Variants in ARHGAP24 observed in about 807,000 individuals in gnomAD.
ARHGAP24 encodes the protein rho GTPase-activating protein 24.
ARHGAP24 carries 50 observed loss-of-function variants against 76.4 expected under a neutral mutation model. The observed-to-expected ratio is 0.65, with a 90% CI of 0.52 to 0.83. The LOEUF (loss-of-function observed/expected upper bound fraction) is 0.83, where lower values mean the gene tolerates loss of function less well. Among genes scored for constraint, ARHGAP24 ranks in the 40% least tolerant of loss-of-function variants. The probability of loss-of-function intolerance (pLI) is 0.00; values close to 1 mark genes in which losing one functional copy is unlikely to be tolerated. For synonymous variants in ARHGAP24, 345 were observed against 323.3 expected (o/e 1.07, Z -0.72); for missense variants, 930 against 914.2 (o/e 1.02, Z -0.22).
intron 2 of ARHGAP24, among the ~76,000 whole-genome samples, chr4:85,614,634 A>T (rs1276740940): frequency 6.6e-6 from 1 of 152,130 alleles, no homozygotes; most frequent in East Asian, 1.9e-4. Flanking sequence ...CCTATCATTG[A>T]TTAGGCTGGA....
At chr4:85,965,733 T>G (rs1032253141) in intron 5 of ARHGAP24, among the ~76,000 whole-genome samples, 4 of 152,172 alleles carry the variant, frequency 2.6e-5, no homozygotes, top group Non-Finnish European at 5.9e-5. Flanking sequence ...TAGTCAGCAA[T>G]TATTAGAAAA....
chr4:85,746,992 T>C (rs1460104321), intron 3 of ARHGAP24, among the ~76,000 whole-genome samples: 1 of 152,146 alleles, frequency 6.6e-6, no homozygotes, highest in African/African-American at 2.4e-5. Flanking sequence ...AATACAGGAC[T>C]TCAGGGATCT....
At chr4:85,720,443 G>T (rs1394461591) in intron 2 of ARHGAP24, among the ~76,000 whole-genome samples, 1 of 152,086 alleles carries the variant, frequency 6.6e-6, no homozygotes, top group Non-Finnish European at 1.5e-5. Flanking sequence ...ATAGAAGAGG[G>T]TGACAGTCAC....
At chr4:85,735,281 CTT>C (rs1725565333) in intron 3 of ARHGAP24, among the ~76,000 whole-genome samples, 1 of 152,150 alleles carries the variant, frequency 6.6e-6, no homozygotes, top group Admixed American at 6.5e-5. Context: ...ATAATAATCT[CTT>C]AACCACACTT....
intron 5 of ARHGAP24, among the ~76,000 whole-genome samples, chr4:85,957,098 G>A (rs968742610): frequency 5.9e-5 from 9 of 152,276 alleles, no homozygotes; most frequent in East Asian, 3.9e-4. Context: ...TAAGTTGCAA[G>A]CCGCTTGTTT....
intron 3 of ARHGAP24, among the ~76,000 whole-genome samples, chr4:85,791,337 C>A (rs189725619): frequency 3.3e-5 from 5 of 152,198 alleles, no homozygotes; most frequent in Admixed American, 6.5e-5. Flanking sequence ...GCATATTTAA[C>A]GGCAAAGATA....
intron 5 of ARHGAP24, among the ~76,000 whole-genome samples, chr4:85,964,068 T>A (rs11947316): frequency 0.045 from 6,910 of 152,198 alleles, 536 homozygotes; most frequent in African/African-American, 0.16. Context: ...TTAAGCATTG[T>A]CAGTAAGACT....
chr4:85,924,161 T>C (rs1252977999), intron 4 of ARHGAP24, among the ~76,000 whole-genome samples: 1 of 152,142 alleles, frequency 6.6e-6, no homozygotes, highest in Admixed American at 6.5e-5. Flanking sequence ...CCCCAAATGC[T>C]CAATTGTATC....
intron 3 of ARHGAP24, among the ~76,000 whole-genome samples, chr4:85,740,242 C>T (rs1230078992): frequency 1.5e-5 from 2 of 137,026 alleles, no homozygotes; most frequent in East Asian, 2.2e-4. Flanking sequence ...TTTTTTTAGA[C>T]GGAGTGTTCC....
chr4:85,482,035 T>C (rs1453514014), intron 1 of ARHGAP24, among the ~76,000 whole-genome samples: 1 of 152,220 alleles, frequency 6.6e-6, no homozygotes, highest in Non-Finnish European at 1.5e-5. Flanking sequence ...AGAGTCATCT[T>C]TGATTGTTTC....
At chr4:85,531,403 TTGAC>T (rs1044895513) in intron 1 of ARHGAP24, among the ~76,000 whole-genome samples, 1 of 152,036 alleles carries the variant, frequency 6.6e-6, no homozygotes, top group African/African-American at 2.4e-5. Context: ...TCACAGGACT[TTGAC>T]TGACATATTG....
At chr4:85,542,192 A>G (rs1725730845) in intron 1 of ARHGAP24, among the ~76,000 whole-genome samples, 1 of 152,232 alleles carries the variant, frequency 6.6e-6, no homozygotes, top group Admixed American at 6.5e-5. Flanking sequence ...TTATTAATTT[A>G]ATTAATATGG....
intron 3 of ARHGAP24, among the ~76,000 whole-genome samples, chr4:85,821,830 G>A (rs925422672): frequency 4.6e-5 from 7 of 152,018 alleles, no homozygotes; most frequent in African/African-American, 9.7e-5. Context: ...AAAATAACTC[G>A]AATGATAACA....
intron 2 of ARHGAP24, among the ~76,000 whole-genome samples, chr4:85,673,602 G>A (rs1722879591): frequency 1.3e-5 from 2 of 150,692 alleles, no homozygotes; most frequent in South Asian, 4.2e-4. Context: ...GACCTGGAGA[G>A]CTAGAAAAGA....
At chr4:85,735,670 T>A (rs984527724) in intron 3 of ARHGAP24, among the ~76,000 whole-genome samples, 1 of 152,170 alleles carries the variant, frequency 6.6e-6, no homozygotes, top group African/African-American at 2.4e-5. Context: ...TTGGACTCAG[T>A]CTTGGTCCTC....
intron 2 of ARHGAP24, among the ~76,000 whole-genome samples, chr4:85,661,738 A>G (rs890014666): frequency 3.3e-5 from 5 of 151,852 alleles, no homozygotes; most frequent in African/African-American, 1.2e-4. Flanking sequence ...TCATTGTTGA[A>G]TTCCCACCTA....
intron 1 of ARHGAP24, among the ~76,000 whole-genome samples, chr4:85,501,046 A>G (rs1247094399): frequency 2.0e-5 from 3 of 152,210 alleles, no homozygotes; most frequent in African/African-American, 7.2e-5. Flanking sequence ...CAAAGACATG[A>G]ACTCATCCTT....
At chr4:85,612,415 G>C (rs1578077187) in intron 2 of ARHGAP24, among the ~76,000 whole-genome samples, 1 of 88,400 alleles carries the variant, frequency 1.1e-5, no homozygotes, top group African/African-American at 2.8e-5. Context: ...CTGCACTCCA[G>C]CCTGGGCAAC....
Position 86,001,221 on chromosome 4 carries a change from A to G in ARHGAP24, c.*499A>G, listed in dbSNP as rs958704187. The G allele has an allele frequency of 5.0e-6, 2 of 399,040 alleles. No homozygotes were observed. Among genetic ancestry groups the G allele is most frequent in the Non-Finnish European group, 8.8e-6 (2 of 226,150 alleles). 24.7% of individuals were successfully genotyped at this position (399,040 alleles called of 1,614,324 possible). ...TATATGAGTTATTAAAATCAGAAGA[A>G]TACTTTGTGGCTGTGCTGTTTGTGC... is the stretch of plus-strand genomic sequence containing the variant. On this transcript the variant is annotated 3_prime_UTR_variant, in exon 10 of 10. Coordinates refer to ENST00000395184, the MANE Select transcript of ARHGAP24 (RefSeq NM_001025616.3).
Sources: allele counts gnomAD v4.1 joint callset (sites outside exome capture counted in the v4.1 genomes callset), GRCh38; gene constraint gnomAD v4.1.1; transcripts MANE v1.5; gene names NCBI Gene and HGNC (gene_info 2026-07-23, HGNC 2026-07-21).